Variants in DPY19L1 observed in about 807,000 individuals in gnomAD.
DPY19L1 encodes the protein protein C-mannosyl-transferase DPY19L1.
In DPY19L1, 35 loss-of-function variants were observed where a neutral mutation model predicts 96.9. The ratio of observed to expected loss-of-function variants is 0.36; its 90% CI spans 0.28 to 0.48. DPY19L1 has a LOEUF of 0.48. Ranked by LOEUF, DPY19L1 falls within the 20% of genes least tolerant of loss-of-function variation. The probability of loss-of-function intolerance (pLI) is 0.99; values close to 1 mark genes in which losing one functional copy is unlikely to be tolerated. For missense variants in DPY19L1, 521 were observed against 777.9 expected, an observed-to-expected ratio of 0.67 and a Z score of 3.93; for synonymous variants, 205 against 252.6, an observed-to-expected ratio of 0.81 and a Z score of 1.79.
chr7:35,007,044 T>C (rs1437930982), intron 6 of DPY19L1, among the ~76,000 whole-genome samples: 3 of 152,124 alleles, frequency 2.0e-5, no homozygotes, highest in East Asian at 1.9e-4. Context: ...CTTTATCCCT[T>C]TCATAAAATT....
chr7:34,986,409 A>G (rs140617777), intron 7 of DPY19L1, among the ~76,000 whole-genome samples: 47 of 152,200 alleles, frequency 3.1e-4, no homozygotes, highest in African/African-American at 9.1e-4. Flanking sequence ...TACCCCACTA[A>G]TATCTACAAT....
At chr7:34,964,745 A>G (rs1186693960) in intron 10 of DPY19L1, among the ~76,000 whole-genome samples, 2 of 152,240 alleles carry the variant, frequency 1.3e-5, no homozygotes, top group African/African-American at 4.8e-5. Flanking sequence ...AAGTCAGCTT[A>G]AATAGTTGGA....
At chr7:34,972,389 C>A (rs1016846452) in intron 8 of DPY19L1, among the ~76,000 whole-genome samples, 5 of 152,154 alleles carry the variant, frequency 3.3e-5, no homozygotes, top group Non-Finnish European at 5.9e-5. Context: ...GAGCAGCATC[C>A]CCATGCCCAC....
At chr7:34,946,035 A>G (rs1784137874) in intron 15 of DPY19L1, among the ~76,000 whole-genome samples, 1 of 152,198 alleles carries the variant, frequency 6.6e-6, no homozygotes, top group South Asian at 2.1e-4. Context: ...TCTGGCTTCA[A>G]ATTCACATTC....
intron 1 of DPY19L1, among the ~76,000 whole-genome samples, chr7:35,021,268 A>G (rs892608236): frequency 6.6e-6 from 1 of 152,148 alleles, no homozygotes; most frequent in African/African-American, 2.4e-5. Flanking sequence ...TTTGACCTTC[A>G]CAATTCTGGA....
chr7:34,936,685 T>C (rs1394467204), intron 21 of DPY19L1, among the ~76,000 whole-genome samples: 1 of 152,226 alleles, frequency 6.6e-6, no homozygotes, highest in Non-Finnish European at 1.5e-5. Context: ...GCTTAAAACA[T>C]TTTCTGAATT....
intron 6 of DPY19L1, among the ~76,000 whole-genome samples, chr7:34,991,302 G>A (rs1477629284): frequency 6.6e-6 from 1 of 152,156 alleles, no homozygotes; most frequent in Admixed American, 6.5e-5. Flanking sequence ...AAATCTACAG[G>A]GTCAGTAATC....
At chr7:34,937,660 G>A (rs532520457) in intron 21 of DPY19L1, among the ~76,000 whole-genome samples, 1 of 152,074 alleles carries the variant, frequency 6.6e-6, no homozygotes, top group African/African-American at 2.4e-5. Context: ...CAGGCCAGGC[G>A]TGGTGACTCA....
At chr7:34,983,790 G>A (rs1784991178) in intron 7 of DPY19L1, among the ~76,000 whole-genome samples, 1 of 151,868 alleles carries the variant, frequency 6.6e-6, no homozygotes, top group African/African-American at 2.4e-5. Flanking sequence ...GAAGAATGGG[G>A]AAAATAAAGT....
At chr7:34,997,183 T>C (rs1030964338) in intron 6 of DPY19L1, among the ~76,000 whole-genome samples, 16 of 151,986 alleles carry the variant, frequency 1.1e-4, no homozygotes, top group Admixed American at 9.2e-4. Context: ...CCAACAACTT[T>C]CATCAATTTA....
chr7:34,992,034 G>A (rs988230026), intron 6 of DPY19L1, among the ~76,000 whole-genome samples: 5 of 152,138 alleles, frequency 3.3e-5, no homozygotes, highest in African/African-American at 1.2e-4. Context: ...TTCGGCAGGA[G>A]GGACCTAACT....
At chr7:34,951,172 A>G (rs1466019295) in intron 13 of DPY19L1, among the ~76,000 whole-genome samples, 9 of 152,118 alleles carry the variant, frequency 5.9e-5, no homozygotes, top group African/African-American at 2.2e-4. Context: ...ACACAGAATA[A>G]GAACTGACAA....
intron 7 of DPY19L1, among the ~76,000 whole-genome samples, chr7:34,982,551 T>C (rs1369714791): frequency 6.6e-6 from 1 of 152,222 alleles, no homozygotes; most frequent in African/African-American, 2.4e-5. Flanking sequence ...GCCTTTTTAG[T>C]ACAAGATTTA....
intron 16 of DPY19L1, among the ~76,000 whole-genome samples, chr7:34,945,027 A>G (rs1784113010): frequency 1.3e-5 from 2 of 152,188 alleles, no homozygotes; most frequent in East Asian, 3.9e-4. Context: ...TTCAACTACT[A>G]TCCTTTACTA....
At chr7:34,939,240 G>A (rs1783940318) in intron 20 of DPY19L1, 36 bp downstream of exon 20, 3 of 1,570,612 alleles carry the variant, frequency 1.9e-6, no homozygotes, top group African/African-American at 1.4e-5. Context: ...GTTTGCATGG[G>A]AGGTTTGTTT....
intron 7 of DPY19L1, among the ~76,000 whole-genome samples, chr7:34,985,337 A>C (rs1713969343): frequency 1.3e-5 from 2 of 152,170 alleles, no homozygotes; most frequent in African/African-American, 4.8e-5. Context: ...GGATTGCGTC[A>C]AACTAAAATG....
chr7:34,991,144 C>T (rs747096949), intron 6 of DPY19L1, among the ~76,000 whole-genome samples: 2 of 152,186 alleles, frequency 1.3e-5, no homozygotes, highest in Non-Finnish European at 2.9e-5. Flanking sequence ...CACAGCCACT[C>T]GCTGCCAGAG....
intron 6 of DPY19L1, among the ~76,000 whole-genome samples, chr7:34,996,159 C>T (rs1562820617): frequency 6.6e-6 from 1 of 152,156 alleles, no homozygotes; most frequent in Non-Finnish European, 1.5e-5. Flanking sequence ...CAAGTCTTGT[C>T]CATGAAAGAA....
At chr7:35,015,654 TC>T (rs772756288) in intron 3 of DPY19L1, among the ~76,000 whole-genome samples, 1 of 152,244 alleles carries the variant, frequency 6.6e-6, no homozygotes, top group Non-Finnish European at 1.5e-5. Flanking sequence ...CTCTTGTTTA[TC>T]ATATGATGAA....
Sources: gnomAD v4.1 joint callset for allele counts (sites outside exome capture counted in the v4.1 genomes callset) on GRCh38, gnomAD v4.1.1 for gene constraint, MANE v1.5 for transcripts, NCBI Gene and HGNC (gene_info 2026-07-23, HGNC 2026-07-21) for gene names.